The following POLI variants were observed in gnomAD, a reference collection of about 807,000 sequenced individuals.
POLI encodes RAD30 homolog B.
In POLI, 58 loss-of-function variants were observed where a neutral mutation model predicts 51.6. The observed-to-expected ratio is 1.12, with a 90% CI of 0.91 to 1.40. The LOEUF (loss-of-function observed/expected upper bound fraction) is 1.40, where lower values mean the gene tolerates loss of function less well. Among genes scored for constraint, POLI ranks in the 40% most tolerant of loss-of-function variants. POLI has a pLI of 0.00. For synonymous variants in POLI, 322 were observed against 299.7 expected, an observed-to-expected ratio of 1.07 and a Z score of -0.77; for missense variants, 921 against 871.3, an observed-to-expected ratio of 1.06 and a Z score of -0.72.
chr18:54,296,260 T>C lies in POLI; in HGVS notation c.*1793T>C, dbSNP rs1300658096. On this transcript the variant is annotated 3_prime_UTR_variant, in exon 10 of 10. Coordinates refer to ENST00000579534, the MANE Select transcript of POLI (RefSeq NM_007195.3). Reference sequence around the variant, plus strand: ...GGCTAAGAAAACAAAGTAAATGGTTTTGGCCAGCTTAAAAAGAGAAAGCAA... The same window carrying C: ...GGCTAAGAAAACAAAGTAAATGGTTCTGGCCAGCTTAAAAAGAGAAAGCAA... 2.0e-6 allele frequency: 2 copies of C among 985,296 alleles called. No individual in the cohort carries two copies. Among genetic ancestry groups the C allele is most frequent in the Non-Finnish European group, 2.4e-6 (2 of 829,922 alleles). 61.0% of individuals were successfully genotyped at this position (985,296 alleles called of 1,614,324 possible).
At chr18:54,316,773 G>T (rs912824637) in intron 3 of POLI, among the ~76,000 whole-genome samples, 20 of 152,108 alleles carry the variant, frequency 1.3e-4, no homozygotes, top group African/African-American at 4.3e-4. Context: ...GCTGCTTATA[G>T]TACATTGGAA....
chr18:54,279,485 C>A (rs545579892), intron 4 of POLI, among the ~76,000 whole-genome samples: 1 of 152,066 alleles, frequency 6.6e-6, no homozygotes, highest in Non-Finnish European at 1.5e-5. Context: ...TCAGATGATC[C>A]GCTTGCCTTG....
At position 54,304,444 on chromosome 18, in the gene POLI, A is replaced by T. The variant is rs552295934; in HGVS notation, c.334-15829A>T. On this transcript the variant is annotated intron_variant, in intron 3 of 4. Transcript: ENST00000579823. The stretch of plus-strand genomic sequence containing the variant: ...TCTGTTGTTTCCTGACTTTTTAATG[A>T]TCGCCATTCTAACTGGCGTGAGATG... Among the ~76,000 whole-genome samples, 212 of 152,288 alleles carry T rather than the reference A, an allele frequency of 1.4e-3. 1 individual carries two copies. The highest frequency in any genetic ancestry group is 4.8e-3 in the African/African-American group (201 of 41,560).
chr18:54,319,836 G>A (rs9952218), intron 3 of POLI, among the ~76,000 whole-genome samples: 2 of 151,996 alleles, frequency 1.3e-5, no homozygotes, highest in Non-Finnish European at 2.9e-5. Flanking sequence ...TAGGAGACAA[G>A]TTAATTAAAT....
rs117893128 is a variant in POLI at position 54,294,762 on chromosome 18, A to G, written c.*295A>G. 1.3e-3 allele frequency: 1,252 copies of G among 991,066 alleles called. 2 individuals carry two copies. Among genetic ancestry groups the G allele is most frequent in the Non-Finnish European group, 1.4e-3 (1,196 of 827,054 alleles). The allele number at this position is 991,066 out of a possible 1,614,324, so 61.4% of individuals were successfully genotyped here. A position where few individuals can be genotyped will look rare whatever the true frequency, so the allele number is the denominator to read the frequency against. On this transcript the variant is annotated 3_prime_UTR_variant, in exon 10 of 10. Transcript: ENST00000579534. The stretch of plus-strand genomic sequence containing the variant: ...TTCATGAATTGGTGGGGAGATGTAT[A>G]TGTTTATATATAAAAAATAGCCAAA...
At chr18:54,290,479 G>T (rs907337754) in intron 8 of POLI, among the ~76,000 whole-genome samples, 4 of 152,136 alleles carry the variant, frequency 2.6e-5, no homozygotes, top group African/African-American at 9.7e-5. Context: ...CCATTACTGG[G>T]TATATACCCA....
At chr18:54,273,817 T>TA (rs1478848971) in intron 2 of POLI, 109 bp from the exon 3 acceptor site, 2 of 574,724 alleles carry the variant, frequency 3.5e-6, no homozygotes, top group African/African-American at 3.9e-5. Context: ...TTTTGATTCT[T>TA]ATCAAAACTG....
At chr18:54,271,275 C>A in intron 1 of POLI, 85 bp from the exon 2 acceptor site, 1 of 1,172,116 alleles carries the variant, frequency 8.5e-7, no homozygotes. Context: ...TCTTCCTTCA[C>A]AGGTACCATG....
chr18:54,282,929 G>T lies in POLI; in HGVS notation c.889G>T (p.Glu297Ter). The T allele has an allele frequency of 1.3e-5, 21 of 1,604,724 alleles. No individual in the cohort carries two copies. The highest frequency in any genetic ancestry group is 1.7e-4 in the Middle Eastern group (1 of 6,054). ...QTFSPKILEK[E>*]LGISVAQRIQ... ...CTTTTCACCCAAAATTTTAGAAAAA[G>T]AATTAGGAATTTCAGTTGCTCAGCG... Residue 297 changes from glutamate to a stop codon, truncating the protein, a stop_gained, in exon 6 of 10, where the codon GAA (glutamate) becomes TAA (stop). Coordinates refer to ENST00000579534, the MANE Select transcript of POLI (RefSeq NM_007195.3). LOFTEE classifies it high-confidence loss of function.
At chr18:54,269,911 C>G (rs1821426599) in intron 1 of POLI, 4 of 1,223,918 alleles carry the variant, frequency 3.3e-6, no homozygotes, top group African/African-American at 1.6e-5. Flanking sequence ...CTGCGCCGTC[C>G]TTTCCTCTGT....
chr18:54,269,759 T>C (rs2144410148), intron 1 of POLI, 98 bp downstream of exon 1: 1 of 1,395,364 alleles, frequency 7.2e-7, no homozygotes, highest in South Asian at 1.6e-5. Flanking sequence ...GGCGCGACCG[T>C]CCCCGCCCCA....
At chr18:54,311,337 A>AAAT (rs2088665809) in intron 3 of POLI, among the ~76,000 whole-genome samples, 1 of 151,968 alleles carries the variant, frequency 6.6e-6, no homozygotes, top group South Asian at 2.1e-4. Flanking sequence ...AATGGCAATA[A>AAAT]AATAATAATA....
rs758286995 is a variant in POLI at position 54,283,006 on chromosome 18, A to T, written c.966A>T (p.Gly322=). The T allele has an allele frequency of 6.3e-7, 1 of 1,597,112 alleles. No homozygotes were observed. Among genetic ancestry groups the T allele is most frequent in the Non-Finnish European group, 8.6e-7 (1 of 1,166,254 alleles). The part of the protein sequence containing the change: ...GEDNSPVILS[G]PPQSFSEEDS... ...ATAACTCCCCTGTGATACTCTCAGG[A>T]CCACCTCAGGTACATGATGATACTT... Residue 322 remains glycine (G), a synonymous_variant, in exon 6 of 10, where the codon GGA becomes GGT. Coordinates refer to ENST00000579534, the MANE Select transcript of POLI (RefSeq NM_007195.3).
chr18:54,284,037 A>G (rs1223937167), intron 7 of POLI, 24 bp downstream of exon 7: 1 of 941,752 alleles, frequency 1.1e-6, no homozygotes. Flanking sequence ...CATTTTGCCA[A>G]GTCATCCTAT....
chr18:54,278,332 C>T (rs3730729), intron 4 of POLI, among the ~76,000 whole-genome samples: 27,635 of 152,078 alleles, frequency 0.18, 2,702 homozygotes, highest in Middle Eastern at 0.25. Context: ...GTAGGTCATT[C>T]TTAAGTTGTA....
At chr18:54,312,809 G>A (rs569818089) in intron 3 of POLI, among the ~76,000 whole-genome samples, 1 of 151,758 alleles carries the variant, frequency 6.6e-6, no homozygotes, top group Non-Finnish European at 1.5e-5. Flanking sequence ...GTTATTTGTT[G>A]TTTGCTTGTT....
chr18:54,284,128 A>G (rs777056560), intron 7 of POLI, 115 bp downstream of exon 7: 2 of 511,784 alleles, frequency 3.9e-6, no homozygotes, highest in Non-Finnish European at 7.2e-6. Flanking sequence ...AGACTAAACA[A>G]TGTAAAAATA....
chr18:54,318,758 T>G (rs1218705843), intron 3 of POLI, among the ~76,000 whole-genome samples: 1 of 152,320 alleles, frequency 6.6e-6, no homozygotes, highest in East Asian at 1.9e-4. Flanking sequence ...TCAGAATATC[T>G]TTTATGCTCA....
intron 3 of POLI, among the ~76,000 whole-genome samples, chr18:54,314,496 T>G (rs569575349): frequency 6.6e-6 from 1 of 152,276 alleles, no homozygotes; most frequent in South Asian, 2.1e-4. Flanking sequence ...TAAAATGAGT[T>G]AGTGGGGAGT....
Sources: gnomAD v4.1 joint callset for allele counts (sites outside exome capture counted in the v4.1 genomes callset) on GRCh38, gnomAD v4.1.1 for gene constraint, MANE v1.5 for transcripts, NCBI Gene and HGNC (gene_info 2026-07-23, HGNC 2026-07-21) for gene names.